CTNNA2: variants seen among roughly 807,000 people sequenced by gnomAD.
CTNNA2 encodes the protein catenin alpha 2.
In CTNNA2, 42 loss-of-function variants were observed where a neutral mutation model predicts 101.0. The observed-to-expected ratio is 0.42, with a 90% CI of 0.32 to 0.54. The LOEUF is 0.54. Among genes scored for constraint, CTNNA2 ranks in the 20% least tolerant of loss-of-function variants. The probability of loss-of-function intolerance (pLI) is 0.14; values close to 1 mark genes in which losing one functional copy is unlikely to be tolerated. For missense variants in CTNNA2, 871 were observed against 1,223.1 expected, an observed-to-expected ratio of 0.71 and a Z score of 4.29; for synonymous variants, 450 against 456.4, an observed-to-expected ratio of 0.99 and a Z score of 0.18.
intron 7 of CTNNA2, among the ~76,000 whole-genome samples, chr2:80,345,893 G>A (rs918346761): frequency 9.9e-5 from 15 of 152,178 alleles, no homozygotes; most frequent in Non-Finnish European, 1.8e-4. Flanking sequence ...AAGAGGCAAA[G>A]TATAAAGCCA....
At chr2:80,599,826 C>T (rs1437756849) in intron 15 of CTNNA2, among the ~76,000 whole-genome samples, 4 of 151,378 alleles carry the variant, frequency 2.6e-5, no homozygotes, top group Non-Finnish European at 4.4e-5. Context: ...CACAATGTGC[C>T]GATTAGTTAC....
At chr2:79,803,056 G>T (rs1362760731) in intron 3 of CTNNA2, among the ~76,000 whole-genome samples, 1 of 151,930 alleles carries the variant, frequency 6.6e-6, no homozygotes, top group Non-Finnish European at 1.5e-5. Flanking sequence ...GTGTTATATT[G>T]GTATTTATTT....
intron 6 of CTNNA2, among the ~76,000 whole-genome samples, chr2:79,887,222 T>C (rs992697187): frequency 1.3e-5 from 2 of 151,994 alleles, no homozygotes; most frequent in African/African-American, 4.8e-5. Context: ...GCGTGAGAAA[T>C]TAGGAATGTC....
At chr2:79,999,201 G>A (rs1467966618) in intron 7 of CTNNA2, among the ~76,000 whole-genome samples, 1 of 152,172 alleles carries the variant, frequency 6.6e-6, no homozygotes, top group Non-Finnish European at 1.5e-5. Context: ...ACCTCCCTTG[G>A]AAATCCCTTT....
At chr2:80,170,189 G>GTCTCTCTCTC (rs773434399) in intron 7 of CTNNA2, among the ~76,000 whole-genome samples, 6 of 147,544 alleles carry the variant, frequency 4.1e-5, no homozygotes, top group Admixed American at 1.4e-4. Flanking sequence ...CTGCCTGCTT[G>GTCTCTCTCTC]TCTCTCTCTC....
chr2:79,243,682 G>A (rs910640598), intron 2 of CTNNA2, among the ~76,000 whole-genome samples: 1 of 152,176 alleles, frequency 6.6e-6, no homozygotes, highest in African/African-American at 2.4e-5. Context: ...GAGCACTACA[G>A]GTGCTTTTAA....
At chr2:80,616,156 T>C (rs1195568687) in intron 17 of CTNNA2, among the ~76,000 whole-genome samples, 1 of 151,712 alleles carries the variant, frequency 6.6e-6, no homozygotes, top group African/African-American at 2.4e-5. Flanking sequence ...ACCTCTTTCA[T>C]CCATTTTCTT....
chr2:79,345,141 AT>A (rs1455539481), intron 3 of CTNNA2, among the ~76,000 whole-genome samples: 2 of 151,614 alleles, frequency 1.3e-5, no homozygotes, highest in Non-Finnish European at 2.9e-5. Context: ...AAATCAACAA[AT>A]AAAACATTAT....
Position 79,643,994 on chromosome 2 carries a change from A to T in CTNNA2, c.-5-7558A>T, listed in dbSNP as rs1257933526. On this transcript the variant is annotated intron_variant, in intron 1 of 18. Transcript: ENST00000402739. Reference sequence around the variant, plus strand: ...CATCCTCTTCTGCTGTATCTCTATCATGTTCTCTTCCACCGATAGCCAGGA... The same window carrying T: ...CATCCTCTTCTGCTGTATCTCTATCTTGTTCTCTTCCACCGATAGCCAGGA... Among the ~76,000 whole-genome samples, 5 of 151,796 alleles carry T rather than the reference A, an allele frequency of 3.3e-5. No individual in the cohort carries two copies. The East Asian group carries it at 9.7e-4, about 30-fold the overall frequency.
At chr2:79,287,144 G>C (rs1489132693) in intron 2 of CTNNA2, among the ~76,000 whole-genome samples, 2 of 152,070 alleles carry the variant, frequency 1.3e-5, no homozygotes, top group Non-Finnish European at 2.9e-5. Flanking sequence ...GGTTATTCTA[G>C]TTATACATTC....
chr2:80,421,086 G>A (rs10164980), intron 9 of CTNNA2, among the ~76,000 whole-genome samples: 16,107 of 151,986 alleles, frequency 0.11, 2,792 homozygotes, highest in African/African-American at 0.36. Context: ...GATCACTTTC[G>A]TATTTTGAGA....
chr2:80,341,802 C>G (rs1672274193), intron 7 of CTNNA2, among the ~76,000 whole-genome samples: 1 of 152,198 alleles, frequency 6.6e-6, no homozygotes, highest in African/African-American at 2.4e-5. Context: ...TCCACACACA[C>G]TTGCACATGA....
At chr2:80,479,832 T>A (rs1387797393) in intron 9 of CTNNA2, among the ~76,000 whole-genome samples, 1 of 152,196 alleles carries the variant, frequency 6.6e-6, no homozygotes, top group Non-Finnish European at 1.5e-5. Context: ...GGAGTCCACA[T>A]TGGAAAGGTC....
intron 7 of CTNNA2, among the ~76,000 whole-genome samples, chr2:80,306,719 C>A (rs534748771): frequency 6.6e-6 from 1 of 151,978 alleles, no homozygotes; most frequent in Admixed American, 6.6e-5. Flanking sequence ...GTTGAGGAGG[C>A]ACCCGCAGGG....
chr2:79,697,687 A>G (rs1684731368), intron 2 of CTNNA2, among the ~76,000 whole-genome samples: 1 of 152,064 alleles, frequency 6.6e-6, no homozygotes, highest in Admixed American at 6.6e-5. Context: ...TTGTCAATGT[A>G]GAATCATTCC....
chr2:79,721,270 T>C (rs1271893090), intron 2 of CTNNA2, among the ~76,000 whole-genome samples: 4 of 152,164 alleles, frequency 2.6e-5, no homozygotes, highest in African/African-American at 9.6e-5. Flanking sequence ...ACACTTCTTC[T>C]GGGAAGTCCA....
At chr2:79,486,698 A>C (rs1252976429) in intron 4 of CTNNA2, among the ~76,000 whole-genome samples, 2 of 152,172 alleles carry the variant, frequency 1.3e-5, no homozygotes, top group Admixed American at 6.5e-5. Context: ...CCAACTGTGT[A>C]AAAATTTTCC....
intron 4 of CTNNA2, among the ~76,000 whole-genome samples, chr2:79,864,940 A>T (rs1681914734): frequency 6.6e-6 from 1 of 152,198 alleles, no homozygotes; most frequent in African/African-American, 2.4e-5. Context: ...TTTGGGACTA[A>T]ATAAGATAGA....
At chr2:80,190,899 A>T in intron 7 of CTNNA2, among the ~76,000 whole-genome samples, 1 of 152,204 alleles carries the variant, frequency 6.6e-6, no homozygotes, top group East Asian at 1.9e-4. Context: ...GTTGCTGTTG[A>T]TTATTCTTTA....
Sources: gnomAD v4.1 joint callset for allele counts (sites outside exome capture counted in the v4.1 genomes callset) on GRCh38, gnomAD v4.1.1 for gene constraint, MANE v1.5 for transcripts, NCBI Gene and HGNC (gene_info 2026-07-23, HGNC 2026-07-21) for gene names.